Variants in TNFRSF11A observed in about 807,000 individuals in gnomAD.
TNFRSF11A encodes TNF receptor superfamily member 11a.
A neutral mutation model predicts 55.7 loss-of-function variants in TNFRSF11A; 32 were observed. The observed-to-expected ratio is 0.57, with a 90% CI of 0.43 to 0.77. TNFRSF11A has a LOEUF of 0.77. TNFRSF11A is among the 30% of genes least tolerant of loss of function. The pLI is 0.00. For missense variants in TNFRSF11A, 753 were observed against 809.8 expected, an observed-to-expected ratio of 0.93 and a Z score of 0.85; for synonymous variants, 311 against 331.0, an observed-to-expected ratio of 0.94 and a Z score of 0.65.
rs12721429 is a variant in TNFRSF11A, at chr18:62,348,194, T to C, written c.102T>C (p.Cys34=). 36 of 1,614,182 alleles carry C rather than the reference T, an allele frequency of 2.2e-5. No homozygotes were observed. The highest frequency in any genetic ancestry group is 3.0e-5 in the Non-Finnish European group (35 of 1,180,008). Residue 34 remains cysteine (C), a synonymous_variant, in exon 2 of 10, where the codon TGT becomes TGC. Transcript: ENST00000586569. The part of the protein sequence containing the change: ...LQVALQIAPP[C]TSEKHYEHLG... ...TGGCTTTGCAGATCGCTCCTCCATG[T>C]ACCAGTGAGAAGCATTATGAGCATC...
At chr18:62,339,391 G>C (rs1043204783) in intron 1 of TNFRSF11A, among the ~76,000 whole-genome samples, 1 of 152,172 alleles carries the variant, frequency 6.6e-6, no homozygotes, top group Non-Finnish European at 1.5e-5. Flanking sequence ...ATCTCTGTCT[G>C]TTTCCCTGCC....
At chr18:62,335,543 G>A (rs541751815) in intron 1 of TNFRSF11A, among the ~76,000 whole-genome samples, 6 of 152,348 alleles carry the variant, frequency 3.9e-5, no homozygotes, top group African/African-American at 1.4e-4. Context: ...CCCAAGGGGT[G>A]AGGTCACGCA....
intron 4 of TNFRSF11A, among the ~76,000 whole-genome samples, 153 bp downstream of exon 4, chr18:62,354,687 C>G (rs1333380882): frequency 6.6e-6 from 1 of 152,194 alleles, no homozygotes; most frequent in Admixed American, 6.5e-5. Context: ...TGATTTTCCA[C>G]GAGATACAGG....
chr18:62,358,670 C>T (rs987643292), intron 5 of TNFRSF11A, among the ~76,000 whole-genome samples: 1 of 152,234 alleles, frequency 6.6e-6, no homozygotes, highest in Admixed American at 6.5e-5. Context: ...GATTTCCCAA[C>T]ATCACTGATT....
chr18:62,341,877 A>G (rs1013751462), intron 1 of TNFRSF11A, among the ~76,000 whole-genome samples: 1 of 140,630 alleles, frequency 7.1e-6, no homozygotes, highest in Non-Finnish European at 1.5e-5. Context: ...GATTTTAGAA[A>G]TGTAGTCAGT....
Position 62,384,857 on chromosome 18 carries a change from C to CGCG in TNFRSF11A, c.1683_1685dup (p.Ala563dup), listed in dbSNP as rs760191082. ...ACGTCAGCCAGACCTCGCAGGAGGG[C>CGCG]GCGGCGGCGGCTGCGGAGCCCATGG... On this transcript the variant is annotated inframe_insertion, in exon 10 of 10. Coordinates refer to ENST00000586569, the MANE Select transcript of TNFRSF11A (RefSeq NM_003839.4). 5.6e-5 allele frequency: 90 copies of CGCG among 1,606,168 alleles called. No individual in the cohort carries two copies. The highest frequency in any genetic ancestry group is 7.1e-5 in the Non-Finnish European group (84 of 1,176,676).
At chr18:62,379,080 A>G (rs958666021) in intron 9 of TNFRSF11A, among the ~76,000 whole-genome samples, 1 of 152,156 alleles carries the variant, frequency 6.6e-6, no homozygotes, top group Non-Finnish European at 1.5e-5. Context: ...GGTAAAGGGG[A>G]AAAAAACCAA....
At chr18:62,377,987 AG>A (rs1206387652) in intron 9 of TNFRSF11A, 1 of 152,106 alleles carries the variant, frequency 6.6e-6, no homozygotes, top group Non-Finnish European at 1.5e-5. Context: ...TTGAGTTTCT[AG>A]GCATTCAGTG....
At chr18:62,332,996 G>A (rs1362041207) in intron 1 of TNFRSF11A, among the ~76,000 whole-genome samples, 1 of 152,216 alleles carries the variant, frequency 6.6e-6, no homozygotes, top group Non-Finnish European at 1.5e-5. Flanking sequence ...CGGGCAGGGG[G>A]TGTTTGATCT....
intron 4 of TNFRSF11A, among the ~76,000 whole-genome samples, chr18:62,356,785 G>T (rs185329048): frequency 3.2e-4 from 48 of 152,272 alleles, no homozygotes; most frequent in Admixed American, 1.6e-3. Flanking sequence ...GCAAACTATG[G>T]GGTGGGTAAA....
intron 1 of TNFRSF11A, among the ~76,000 whole-genome samples, chr18:62,342,187 G>A (rs2046321090): frequency 6.6e-6 from 1 of 151,726 alleles, no homozygotes; most frequent in Admixed American, 6.6e-5. Flanking sequence ...AATCTCTTGA[G>A]CTCAGGGGTT....
chr18:62,353,251 T>G (rs1600381979), intron 3 of TNFRSF11A, among the ~76,000 whole-genome samples: 1 of 152,230 alleles, frequency 6.6e-6, no homozygotes, highest in African/African-American at 2.4e-5. Flanking sequence ...TAAAGACACC[T>G]TATTTGATAC....
At position 62,358,377 on chromosome 18, in the gene TNFRSF11A, G is replaced by C. The variant is rs201342790; in HGVS notation, c.521+36G>C. ...ACAAAGGAGTCAGAAGAGATGGTTG[G>C]TTTTTAAACAACTCAACCTCCACTG... is the stretch of plus-strand genomic sequence containing the variant. On this transcript the variant is annotated intron_variant, in intron 5 of 9. Coordinates refer to ENST00000586569, the MANE Select transcript of TNFRSF11A (RefSeq NM_003839.4). 394 of 1,585,620 alleles carry C rather than the reference G, an allele frequency of 2.5e-4. 2 individuals are homozygous for C. In the African/African-American group the frequency reaches 4.9e-3, roughly 20 times the overall value.
rs1555776999 is a variant in TNFRSF11A, at chr18:62,384,768, A to G, written c.1585A>G (p.Ser529Gly). ...CCCCGCAGGAAATGTGACTGGAAAC[A>G]GTAACTCCACGTTCATCTCCAGCGG... ...SPASGNVTGN[S>G]NSTFISSGQV... Residue 529 changes from serine to glycine, a missense_variant, in exon 10 of 10, where the codon AGT becomes GGT. Physicochemically the swap from Ser to Gly is moderately conservative, Grantham distance 56 (BLOSUM62 0). Transcript: ENST00000586569. The G allele has an allele frequency of 1.2e-6, 2 of 1,612,566 alleles. No homozygotes were observed. Among genetic ancestry groups the G allele is most frequent in the Admixed American group, 1.7e-5 (1 of 59,870 alleles).
intron 1 of TNFRSF11A, among the ~76,000 whole-genome samples, chr18:62,326,833 C>T (rs1166207159): frequency 6.6e-6 from 1 of 152,088 alleles, no homozygotes; most frequent in East Asian, 1.9e-4. Flanking sequence ...TCTAGGGGAG[C>T]GAACCTTCTA....
chr18:62,336,541 G>A (rs944243102), intron 1 of TNFRSF11A: 6 of 152,306 alleles, frequency 3.9e-5, no homozygotes, highest in East Asian at 3.9e-4. Context: ...CTTCTACTAC[G>A]GAAAAGAAGA....
intron 1 of TNFRSF11A, among the ~76,000 whole-genome samples, chr18:62,343,738 GAAGC>G (rs1375150385): frequency 1.3e-5 from 2 of 152,156 alleles, no homozygotes; most frequent in East Asian, 3.8e-4. Flanking sequence ...ACAAGAAAGC[GAAGC>G]AAGAGAAGTC....
rs4603673 is a variant in TNFRSF11A at position 62,335,641 on chromosome 18, C to G, written c.75+10214C>G. ...ACAGCTGTGTCTCCTGTTAGGCAGC[C>G]CCGTGTTCAGTCCTTATTAGAAAAG... is the stretch of plus-strand genomic sequence containing the variant. On this transcript the variant is annotated intron_variant, in intron 1 of 9. Transcript: ENST00000586569. Among the ~76,000 whole-genome samples the G allele has an allele frequency of 0.016, 2,481 of 152,222 alleles. 140 individuals carry two copies. In the East Asian group the frequency reaches 0.17, roughly 11 times the overall value.
At chr18:62,333,974 C>T (rs1022079241) in intron 1 of TNFRSF11A, among the ~76,000 whole-genome samples, 1 of 151,870 alleles carries the variant, frequency 6.6e-6, no homozygotes, top group Non-Finnish European at 1.5e-5. Context: ...AAGCAATTCT[C>T]CCTGCCTCAG....
Sources: gnomAD v4.1 joint callset for allele counts (sites outside exome capture counted in the v4.1 genomes callset) on GRCh38, gnomAD v4.1.1 for gene constraint, MANE v1.5 for transcripts, NCBI Gene and HGNC (gene_info 2026-07-23, HGNC 2026-07-21) for gene names.